CALD1: variants seen among roughly 807,000 people sequenced by gnomAD.
CALD1 encodes the protein caldesmon.
In CALD1, 33 loss-of-function variants were observed where a neutral mutation model predicts 99.9. The observed-to-expected ratio is 0.33, with a 90% CI of 0.25 to 0.44. The LOEUF (loss-of-function observed/expected upper bound fraction) is 0.44. Among genes scored for constraint, CALD1 ranks in the 20% least tolerant of loss-of-function variants. CALD1 has a pLI of 1.00. For synonymous variants in CALD1, 310 were observed against 325.0 expected (o/e 0.95, Z 0.50); for missense variants, 861 against 962.1 (o/e 0.89, Z 1.39).
chr7:134,926,330 A>G (rs542901410), intron 3 of CALD1, among the ~76,000 whole-genome samples: 29 of 152,356 alleles, frequency 1.9e-4, no homozygotes, highest in African/African-American at 5.3e-4. Flanking sequence ...TAAGAGACCA[A>G]TTCTAAAACC....
the CALD1 span, among the ~76,000 whole-genome samples, chr7:134,730,471 C>T: frequency 6.6e-6 from 1 of 152,138 alleles, no homozygotes; most frequent in East Asian, 1.9e-4. Flanking sequence ...TAGGAACTAT[C>T]CACGGGTTTT....
intron 3 of CALD1, among the ~76,000 whole-genome samples, chr7:134,874,439 A>G (rs1243236552): frequency 6.6e-6 from 1 of 152,208 alleles, no homozygotes; most frequent in African/African-American, 2.4e-5. Flanking sequence ...TCAGCCTCCC[A>G]AAGTACTGGG....
chr7:134,945,235 A>G (rs1247016475), intron 7 of CALD1, among the ~76,000 whole-genome samples: 7 of 152,194 alleles, frequency 4.6e-5, no homozygotes, highest in Non-Finnish European at 1.0e-4. Context: ...TTCCTGTTTT[A>G]TAAGCTGTTC....
chr7:134,882,254 G>A (rs1181380945), intron 3 of CALD1, among the ~76,000 whole-genome samples: 3 of 152,096 alleles, frequency 2.0e-5, no homozygotes, highest in Non-Finnish European at 4.4e-5. Flanking sequence ...GCCTCTCCTG[G>A]GGTTTCATCA....
intron 1 of CALD1, among the ~76,000 whole-genome samples, chr7:134,812,669 T>C (rs990977880): frequency 2.6e-5 from 4 of 152,026 alleles, no homozygotes; most frequent in African/African-American, 7.2e-5. Flanking sequence ...AGGAAGAACA[T>C]ACAAGGAGGA....
chr7:134,812,829 G>C (rs12669036), intron 1 of CALD1, among the ~76,000 whole-genome samples: 5 of 151,966 alleles, frequency 3.3e-5, no homozygotes. Context: ...TTGGGAGTCA[G>C]GCATTTGCAT....
intron 14 of CALD1, among the ~76,000 whole-genome samples, chr7:134,967,469 G>C (rs1158459229): frequency 6.6e-6 from 1 of 152,134 alleles, no homozygotes; most frequent in Admixed American, 6.5e-5. Flanking sequence ...AAAATTTTTA[G>C]CAACTAGCTG....
chr7:134,904,924 TAAGA>T (rs1803260722), intron 3 of CALD1, among the ~76,000 whole-genome samples: 2 of 152,206 alleles, frequency 1.3e-5, no homozygotes, highest in South Asian at 4.2e-4. Context: ...TGACATGGAT[TAAGA>T]AAGAGATAGA....
chr7:134,956,935 G>C (rs1042320627), intron 9 of CALD1, among the ~76,000 whole-genome samples: 2 of 152,066 alleles, frequency 1.3e-5, no homozygotes, highest in Admixed American at 1.3e-4. Context: ...AAGTGTTACA[G>C]TTTCAGTAAA....
chr7:134,917,263 A>G (rs1804280334), intron 3 of CALD1, among the ~76,000 whole-genome samples: 1 of 152,242 alleles, frequency 6.6e-6, no homozygotes, highest in Non-Finnish European at 1.5e-5. Context: ...AATAGCAGTC[A>G]AAGAACAGCT....
chr7:134,896,559 C>T (rs1274914184), intron 3 of CALD1, among the ~76,000 whole-genome samples: 2 of 152,186 alleles, frequency 1.3e-5, no homozygotes, highest in African/African-American at 2.4e-5. Context: ...TGGTCTTGAC[C>T]TTCTGTATAT....
intron 3 of CALD1, among the ~76,000 whole-genome samples, chr7:134,892,192 G>A (rs920714578): frequency 6.6e-6 from 1 of 152,100 alleles, no homozygotes; most frequent in Non-Finnish European, 1.5e-5. Context: ...TTCAGATAAC[G>A]GACTCCAAGG....
At chr7:134,865,060 A>G (rs1271000519) in intron 2 of CALD1, among the ~76,000 whole-genome samples, 1 of 152,024 alleles carries the variant, frequency 6.6e-6, no homozygotes, top group Non-Finnish European at 1.5e-5. Context: ...TCATCCCTTC[A>G]TTGGTTGAGA....
intron 1 of CALD1, among the ~76,000 whole-genome samples, chr7:134,831,155 G>A: frequency 6.6e-6 from 1 of 151,814 alleles, no homozygotes; most frequent in African/African-American, 2.4e-5. Context: ...TAAAAAATAT[G>A]TATAATATAA....
At chr7:134,808,496 C>A (rs1028178398) in intron 1 of CALD1, among the ~76,000 whole-genome samples, 7 of 152,198 alleles carry the variant, frequency 4.6e-5, no homozygotes, top group Non-Finnish European at 7.3e-5. Context: ...ATTCTAATGG[C>A]AGAGCCAGCT....
At chr7:134,946,260 T>C (rs1036456038) in intron 7 of CALD1, among the ~76,000 whole-genome samples, 1 of 152,130 alleles carries the variant, frequency 6.6e-6, no homozygotes, top group African/African-American at 2.4e-5. Context: ...CTGAGGTAAA[T>C]AGAATAAATA....
intron 14 of CALD1, among the ~76,000 whole-genome samples, chr7:134,967,371 T>G (rs2732899): frequency 0.039 from 5,864 of 152,262 alleles, 362 homozygotes; most frequent in African/African-American, 0.13. Flanking sequence ...TCATTTCTTG[T>G]TACTCAGTCA....
At position 134,947,768 on chromosome 7, in the gene CALD1, A is replaced by G. The variant is rs755874258; in HGVS notation, c.1793A>G (p.Glu598Gly). 9.9e-6 allele frequency: 16 copies of G among 1,613,256 alleles called. No individual in the cohort carries two copies. Among genetic ancestry groups the G allele is most frequent in the Admixed American group, 5.0e-5 (3 of 59,912 alleles). ...QEEADRKLRE[E>G]EEKRRLKEEI... ...GAAGCCGATCGAAAACTCAGAGAGG[A>G]GGTAAGGCGGGCGCTAGCCCACTGA... Residue 598 changes from glutamate to glycine, a missense_variant and splice_region_variant, in exon 8 of 15, where the codon GAG (glutamate) becomes GGG (glycine). By Grantham distance (98) the Glu-to-Gly change is moderately conservative. This residue lies in a region of CALD1 where 190 missense variants were observed against 249.0 expected (regional missense o/e 0.76). Coordinates refer to ENST00000361675, the MANE Select transcript of CALD1 (RefSeq NM_033138.4).
chr7:134,718,776 G>C, the CALD1 span, among the ~76,000 whole-genome samples: 31 of 152,062 alleles, frequency 2.0e-4, no homozygotes, highest in Non-Finnish European at 8.8e-5. Flanking sequence ...GTCTTATACT[G>C]GTTGCTAGTT....
Sources: gnomAD v4.1 joint callset for allele counts (sites outside exome capture counted in the v4.1 genomes callset) on GRCh38, gnomAD v4.1.1 for gene constraint, gnomAD v4.1.1 regional missense constraint, MANE v1.5 for transcripts, NCBI Gene and HGNC (gene_info 2026-07-23, HGNC 2026-07-21) for gene names.